HTR1F: variants seen among roughly 807,000 people sequenced by gnomAD.
The protein encoded by HTR1F is 5-hydroxytryptamine (serotonin) receptor 1F, G protein-coupled.
HTR1F carries 17 observed loss-of-function variants against 24.0 expected under a neutral mutation model. The observed-to-expected ratio is 0.71, with a 90% CI of 0.48 to 1.06. The LOEUF (loss-of-function observed/expected upper bound fraction) is 1.06. HTR1F is among the 50% of genes least tolerant of loss of function. The pLI is 0.00. For synonymous variants in HTR1F, 186 were observed against 156.8 expected (o/e 1.19, Z -1.39); for missense variants, 391 against 427.8 (o/e 0.91, Z 0.76).
chr3:87,982,915 G>A (rs545286614), intron 2 of HTR1F, among the ~76,000 whole-genome samples: 2 of 152,242 alleles, frequency 1.3e-5, no homozygotes, highest in South Asian at 4.1e-4. Flanking sequence ...CAGCCTCAAG[G>A]AGCCTCATCT....
chr3:87,942,723 T>C (rs1704599887), intron 2 of HTR1F, among the ~76,000 whole-genome samples: 1 of 150,566 alleles, frequency 6.6e-6, no homozygotes. Flanking sequence ...CTGAGGGCCA[T>C]GACTAAAGCG....
chr3:87,860,148 A>G (rs894475282), intron 2 of HTR1F, among the ~76,000 whole-genome samples: 4 of 152,228 alleles, frequency 2.6e-5, no homozygotes, highest in Admixed American at 1.3e-4. Flanking sequence ...TAATCTGCAT[A>G]TACCATTTTA....
rs145866894 is a variant in HTR1F at position 87,961,567 on chromosome 3, G to T, written c.-42-29141G>T. On this transcript the variant is annotated intron_variant, in intron 2 of 2. Transcript: ENST00000319595. ...ACTTGAAGGCTGGAGCTTGAGACCAGCCTGGGCAACATAGTGAGACCCATC... is the reference window on the plus strand; with the variant it reads ...ACTTGAAGGCTGGAGCTTGAGACCATCCTGGGCAACATAGTGAGACCCATC... 3.9e-5 allele frequency among the ~76,000 whole-genome samples: 6 copies of T among 152,070 alleles called. No individual in the cohort carries two copies. In the East Asian group the frequency reaches 1.2e-3, roughly 29 times the overall value.
chr3:87,887,345 A>C (rs1475195907), intron 2 of HTR1F, among the ~76,000 whole-genome samples: 7 of 152,154 alleles, frequency 4.6e-5, no homozygotes, highest in Admixed American at 6.5e-5. Context: ...TAAAGACTTA[A>C]ATGTTAGACC....
chr3:87,906,189 C>G (rs1430672523), intron 2 of HTR1F, among the ~76,000 whole-genome samples: 1 of 151,956 alleles, frequency 6.6e-6, no homozygotes, highest in Admixed American at 6.6e-5. Flanking sequence ...TATAGAGTAA[C>G]TTTTGAAAAT....
chr3:87,834,545 C>T (rs1360729942), intron 2 of HTR1F, among the ~76,000 whole-genome samples: 1 of 151,860 alleles, frequency 6.6e-6, no homozygotes, highest in Non-Finnish European at 1.5e-5. Context: ...CTAGATCATA[C>T]AAATCCATGT....
In HTR1F at chr3:87,863,281, T is replaced by C. The variant is rs148299598; in HGVS notation, c.-43+41157T>C. On this transcript the variant is annotated intron_variant, in intron 2 of 2. Transcript: ENST00000319595. ...AGCACGTTTTCCTGACAGTTAATCTTTTAATTTTAGTGTCTTGCAATCTGG... is the reference window on the plus strand; with the variant it reads ...AGCACGTTTTCCTGACAGTTAATCTCTTAATTTTAGTGTCTTGCAATCTGG... 2.8e-3 allele frequency among the ~76,000 whole-genome samples: 421 copies of C among 152,318 alleles called. 4 individuals carry two copies. Among genetic ancestry groups the C allele is most frequent in the African/African-American group, 9.4e-3 (391 of 41,584 alleles).
intron 2 of HTR1F, among the ~76,000 whole-genome samples, chr3:87,934,397 G>T (rs6770080): frequency 0.2 from 29,648 of 152,000 alleles, 3,355 homozygotes; most frequent in African/African-American, 0.32. Flanking sequence ...CTCCATGGAG[G>T]ACTGCCCTTG....
At chr3:87,931,046 T>TC (rs1704254461) in intron 2 of HTR1F, among the ~76,000 whole-genome samples, 1 of 113,100 alleles carries the variant, frequency 8.8e-6, no homozygotes. Flanking sequence ...TTTTTTTTTT[T>TC]ACTTTTTTTA....
At chr3:87,927,987 C>T (rs1041312382) in intron 2 of HTR1F, among the ~76,000 whole-genome samples, 27 of 151,446 alleles carry the variant, frequency 1.8e-4, no homozygotes, top group Admixed American at 5.3e-4. Context: ...CAAATGATTT[C>T]ATAAATCACT....
At chr3:87,793,341 A>G (rs1703848893) in intron 1 of HTR1F, 1 of 151,762 alleles carries the variant, frequency 6.6e-6, no homozygotes, top group African/African-American at 2.4e-5. Context: ...CGGTAAGATA[A>G]ATCTGAGGAG....
intron 1 of HTR1F, among the ~76,000 whole-genome samples, chr3:87,795,876 A>T (rs146821322): frequency 1.3e-5 from 2 of 152,212 alleles, no homozygotes; most frequent in Non-Finnish European, 2.9e-5. Flanking sequence ...TACATCAATG[A>T]GTATGAAAAA....
chr3:87,824,012 G>A (rs1284923126), intron 2 of HTR1F, among the ~76,000 whole-genome samples: 1 of 149,894 alleles, frequency 6.7e-6, no homozygotes, highest in Non-Finnish European at 1.5e-5. Flanking sequence ...AGCCAAGATC[G>A]CACCAGCCTG....
chr3:87,941,426 C>T (rs1704565725), intron 2 of HTR1F, among the ~76,000 whole-genome samples: 1 of 152,184 alleles, frequency 6.6e-6, no homozygotes, highest in Non-Finnish European at 1.5e-5. Context: ...GTAAGCAGAG[C>T]TGAGCCTTTG....
chr3:87,934,109 C>G (rs1188575167), intron 2 of HTR1F, among the ~76,000 whole-genome samples: 1 of 152,200 alleles, frequency 6.6e-6, no homozygotes, highest in Non-Finnish European at 1.5e-5. Flanking sequence ...AATTTGCAAG[C>G]TATTCATCAG....
At chr3:87,960,961 T>C (rs1362726235) in intron 2 of HTR1F, among the ~76,000 whole-genome samples, 1 of 151,878 alleles carries the variant, frequency 6.6e-6, no homozygotes, top group African/African-American at 2.4e-5. Flanking sequence ...CTGTGTTTTC[T>C]AAAACTCTGA....
At chr3:87,930,424 C>G (rs1438674214) in intron 2 of HTR1F, among the ~76,000 whole-genome samples, 1 of 152,120 alleles carries the variant, frequency 6.6e-6, no homozygotes. Context: ...GTGGGTTTGT[C>G]ATAGGTGGCT....
chr3:87,892,481 T>C (rs2107308525), intron 2 of HTR1F, among the ~76,000 whole-genome samples: 1 of 152,302 alleles, frequency 6.6e-6, no homozygotes, highest in African/African-American at 2.4e-5. Context: ...AGCTACAAAA[T>C]TAGAGACCTG....
intron 2 of HTR1F, among the ~76,000 whole-genome samples, chr3:87,973,113 G>A (rs1239599610): frequency 6.6e-6 from 1 of 152,146 alleles, no homozygotes; most frequent in African/African-American, 2.4e-5. Context: ...GGAGGTTGCA[G>A]TGAACCGAGA....
Sources: allele counts gnomAD v4.1 joint callset (sites outside exome capture counted in the v4.1 genomes callset), GRCh38; gene constraint gnomAD v4.1.1; transcripts MANE v1.5; gene names NCBI Gene and HGNC (gene_info 2026-07-23, HGNC 2026-07-21).